Variants in RYR2 observed in about 807,000 individuals in gnomAD.
RYR2 encodes the protein ryanodine receptor 2.
In RYR2, 227 loss-of-function variants were observed where a neutral mutation model predicts 601.1. The observed-to-expected ratio is 0.38, with a 90% confidence interval of 0.34 to 0.42. RYR2 has a LOEUF of 0.42. Among genes scored for constraint, RYR2 ranks in the 10% least tolerant of loss-of-function variants. RYR2 has a pLI of 1.00. For synonymous variants in RYR2, 2,223 were observed against 2,175.1 expected, an observed-to-expected ratio of 1.02 and a Z score of -0.61; for missense variants, 4,646 against 6,156.5, an observed-to-expected ratio of 0.75 and a Z score of 8.21.
chr1:237,497,336 A>T (rs1664179845), intron 20 of RYR2, among the ~76,000 whole-genome samples: 1 of 152,174 alleles, frequency 6.6e-6, no homozygotes, highest in Non-Finnish European at 1.5e-5. Flanking sequence ...CCAGCTACCA[A>T]CTCTTAGCTT....
chr1:237,702,137 T>A, intron 66 of RYR2, 78 bp downstream of exon 66: 1 of 821,658 alleles, frequency 1.2e-6, no homozygotes, highest in South Asian at 1.5e-5. Flanking sequence ...AATCTTCATT[T>A]CATAACCTGT....
At chr1:237,181,755 T>A (rs1365733592) in intron 1 of RYR2, among the ~76,000 whole-genome samples, 1 of 152,198 alleles carries the variant, frequency 6.6e-6, no homozygotes, top group African/African-American at 2.4e-5. Flanking sequence ...GTAAAGTAGG[T>A]TCTGTATGCA....
chr1:237,395,238 G>T (rs1702719987), intron 10 of RYR2, among the ~76,000 whole-genome samples: 1 of 152,186 alleles, frequency 6.6e-6, no homozygotes, highest in South Asian at 2.1e-4. Context: ...TTAGATGGTA[G>T]AAAACATATT....
At chr1:237,615,103 T>C (rs1030183018) in intron 37 of RYR2, among the ~76,000 whole-genome samples, 2 of 152,204 alleles carry the variant, frequency 1.3e-5, no homozygotes, top group African/African-American at 4.8e-5. Context: ...TCCACCCATA[T>C]TTCCACTCTT....
rs140703168 is a variant in RYR2, at chr1:237,541,841, A to G, written c.2907-6590A>G. ...GAGCCAGGAAAAGGACTTTCACAAG[A>G]TAATGTCATCACTTAAGACAAGGAC... On this transcript the variant is annotated intron_variant, in intron 25 of 104. Transcript: ENST00000366574. Among the ~76,000 whole-genome samples the G allele has an allele frequency of 2.9e-3, 434 of 152,210 alleles. 2 individuals are homozygous for G. Among genetic ancestry groups the G allele is most frequent in the African/African-American group, 9.8e-3 (406 of 41,536 alleles).
chr1:237,562,780 C>A (rs993814507), intron 27 of RYR2, among the ~76,000 whole-genome samples: 1 of 152,078 alleles, frequency 6.6e-6, no homozygotes, highest in African/African-American at 2.4e-5. Context: ...TGTTTAAAAT[C>A]GAGCAAAGCA....
At chr1:237,659,196 G>C (rs537535966) in intron 54 of RYR2, among the ~76,000 whole-genome samples, 1 of 152,084 alleles carries the variant, frequency 6.6e-6, no homozygotes, top group Non-Finnish European at 1.5e-5. Flanking sequence ...CCAGTCTTTC[G>C]GTCCCTCTAA....
intron 3 of RYR2, chr1:237,333,544 C>T (rs1003965962): frequency 3.5e-5 from 16 of 453,052 alleles, no homozygotes; most frequent in South Asian, 9.4e-5. Flanking sequence ...TGGGGACTTG[C>T]GGCAGCAACT....
At chr1:237,120,490 TA>T (rs1252777105) in intron 1 of RYR2, among the ~76,000 whole-genome samples, 2 of 152,214 alleles carry the variant, frequency 1.3e-5, no homozygotes, top group African/African-American at 4.8e-5. Flanking sequence ...CAGAATTTTC[TA>T]AGTGATCAAT....
rs1319883873 is a variant in RYR2 at position 237,148,539 on chromosome 1, T to A, written c.48+105970T>A. Among the ~76,000 whole-genome samples, 100 of 132,754 alleles carry A rather than the reference T, an allele frequency of 7.5e-4. 1 individual carries two copies. Among genetic ancestry groups the A allele is most frequent in the Non-Finnish European group, 1.3e-3 (80 of 63,580 alleles). The allele number at this position is 132,754 out of a possible 152,430, so 87.1% of individuals were successfully genotyped here. The stretch of plus-strand genomic sequence containing the variant: ...GTAAAAAAAAAAAAATATATATATA[T>A]ATATATATATATATACACACACACA... On this transcript the variant is annotated intron_variant, in intron 1 of 104. Transcript: ENST00000366574.
rs764121632 is a variant in RYR2, at chr1:237,756,324, C to G, written c.11182C>G (p.Gln3728Glu). The G allele has an allele frequency of 1.1e-5, 18 of 1,613,572 alleles. No individual in the cohort carries two copies. Among genetic ancestry groups the G allele is most frequent in the Non-Finnish European group, 1.4e-5 (17 of 1,179,602 alleles). Reference protein sequence around the residue: ...EMEKQKLLYQQARLHDRGAAE... With the variant: ...EMEKQKLLYQEARLHDRGAAE... ...GGAAAAGCAAAAGCTTCTATACCAG[C>G]AAGCCCGACTCCACGATCGTGGCGC... Residue 3728 changes from glutamine (Q) to glutamate (E), a missense_variant, in exon 81 of 105, where the codon CAA (glutamine) becomes GAA (glutamate). Physicochemically the swap from Gln to Glu is conservative, Grantham distance 29. This residue lies in a region of RYR2 where 1,497 missense variants were observed against 1,842.6 expected (regional missense o/e 0.81). Coordinates refer to ENST00000366574, the MANE Select transcript of RYR2 (RefSeq NM_001035.3).
chr1:237,368,734 G>T (rs1273454243), intron 5 of RYR2, among the ~76,000 whole-genome samples: 1 of 152,172 alleles, frequency 6.6e-6, no homozygotes, highest in African/African-American at 2.4e-5. Context: ...GGAATGAGAA[G>T]TTTTTAAGCC....
In RYR2 at chr1:237,602,894, G is replaced by A. The variant is rs78955454; in HGVS notation, c.4683+783G>A. On this transcript the variant is annotated intron_variant, in intron 35 of 104. Transcript: ENST00000366574. ...AGGTGGGCAAGAATGAGAATAATCA[G>A]TAGCAATGAGGTGTCAATAATTTGA... Among the ~76,000 whole-genome samples, 229 of 152,304 alleles carry A rather than the reference G, an allele frequency of 1.5e-3. 4 individuals are homozygous for A. The East Asian group carries it at 0.031, about 21-fold the overall frequency.
At chr1:237,059,603 G>A (rs1176675551) in intron 1 of RYR2, among the ~76,000 whole-genome samples, 1 of 152,108 alleles carries the variant, frequency 6.6e-6, no homozygotes, top group Non-Finnish European at 1.5e-5. Flanking sequence ...GAAATACTGA[G>A]AGTATAACAG....
At chr1:237,827,447 C>G (rs1663226896) in intron 101 of RYR2, among the ~76,000 whole-genome samples, 1 of 151,934 alleles carries the variant, frequency 6.6e-6, no homozygotes, top group East Asian at 1.9e-4. Flanking sequence ...CCAGCCTGGT[C>G]AACAAGACGA....
At chr1:237,181,010 GCCTCACTCTGTCAC>G (rs1678690953) in intron 1 of RYR2, among the ~76,000 whole-genome samples, 1 of 151,784 alleles carries the variant, frequency 6.6e-6, no homozygotes, top group African/African-American at 2.4e-5. Flanking sequence ...TTAAGACAGA[GCCTCACTCTGTCAC>G]CCAGGCTGGA....
chr1:237,798,339 C>A (rs1452873034), intron 97 of RYR2, among the ~76,000 whole-genome samples, 169 bp downstream of exon 97: 1 of 152,144 alleles, frequency 6.6e-6, no homozygotes, highest in African/African-American at 2.4e-5. Flanking sequence ...GTATTTGGAA[C>A]TCTGGAATTA....
chr1:237,537,544 A>G (rs12740265), intron 25 of RYR2, among the ~76,000 whole-genome samples: 1 of 152,048 alleles, frequency 6.6e-6, no homozygotes, highest in Non-Finnish European at 1.5e-5. Flanking sequence ...TGAGCTCCTG[A>G]CCTCAGGTGA....
At chr1:237,120,252 T>C (rs1670626471) in intron 1 of RYR2, among the ~76,000 whole-genome samples, 1 of 152,192 alleles carries the variant, frequency 6.6e-6, no homozygotes, top group Non-Finnish European at 1.5e-5. Context: ...AAGTGCCTGA[T>C]AAATGTGAGC....
Sources: gnomAD v4.1 joint callset for allele counts (sites outside exome capture counted in the v4.1 genomes callset) on GRCh38, gnomAD v4.1.1 for gene constraint, gnomAD v4.1.1 regional missense constraint, MANE v1.5 for transcripts, NCBI Gene and HGNC (gene_info 2026-07-23, HGNC 2026-07-21) for gene names.